The following GALNT17 variants were observed in gnomAD, a reference collection of about 807,000 sequenced individuals.
GALNT17 encodes polypeptide N-acetylgalactosaminyltransferase 17.
GALNT17 carries 29 observed loss-of-function variants against 63.7 expected under a neutral mutation model. The observed-to-expected ratio is 0.46, with a 90% CI of 0.34 to 0.62. The LOEUF (loss-of-function observed/expected upper bound fraction) is 0.62, where lower values mean the gene tolerates loss of function less well. Among genes scored for constraint, GALNT17 ranks in the 20% least tolerant of loss-of-function variants. The pLI is 0.01. For missense variants in GALNT17, 603 were observed against 799.6 expected, an observed-to-expected ratio of 0.75 and a Z score of 2.97; for synonymous variants, 305 against 318.3, an observed-to-expected ratio of 0.96 and a Z score of 0.45.
At chr7:71,396,588 T>G (rs1012559978) in intron 3 of GALNT17, among the ~76,000 whole-genome samples, 1 of 152,204 alleles carries the variant, frequency 6.6e-6, no homozygotes, top group African/African-American at 2.4e-5. Flanking sequence ...AAGATTGTTA[T>G]GTCTATTCTG....
At chr7:71,430,432 A>G (rs1157492715) in intron 5 of GALNT17, among the ~76,000 whole-genome samples, 1 of 152,164 alleles carries the variant, frequency 6.6e-6, no homozygotes, top group Non-Finnish European at 1.5e-5. Context: ...GACTTTCACC[A>G]TGAGAGGGAA....
At chr7:71,523,737 G>A (rs1320724589) in intron 5 of GALNT17, among the ~76,000 whole-genome samples, 3 of 132,706 alleles carry the variant, frequency 2.3e-5, no homozygotes, top group Admixed American at 7.9e-5. Flanking sequence ...GCAAGACCCT[G>A]TCTCAAAAAA....
At chr7:71,401,849 A>C (rs955509644) in intron 3 of GALNT17, among the ~76,000 whole-genome samples, 2 of 152,196 alleles carry the variant, frequency 1.3e-5, no homozygotes, top group Admixed American at 1.3e-4. Flanking sequence ...ACTATGTATT[A>C]CAATGTAATA....
At chr7:71,376,836 AG>A (rs1255212988) in intron 2 of GALNT17, among the ~76,000 whole-genome samples, 27 of 151,520 alleles carry the variant, frequency 1.8e-4, no homozygotes, top group South Asian at 2.1e-4. Context: ...CTGTAATCCC[AG>A]CACTTTGGGA....
intron 9 of GALNT17, among the ~76,000 whole-genome samples, chr7:71,710,088 A>C (rs1472742530): frequency 6.6e-6 from 1 of 152,180 alleles, no homozygotes; most frequent in Admixed American, 6.5e-5. Context: ...TACTTGTTCA[A>C]GGTGGCCCAG....
At chr7:71,188,577 T>C (rs1374273375) in intron 1 of GALNT17, among the ~76,000 whole-genome samples, 1 of 152,176 alleles carries the variant, frequency 6.6e-6, no homozygotes, top group East Asian at 1.9e-4. Context: ...TTGATGGGAT[T>C]GTTTGCTTTT....
At chr7:71,550,327 T>C (rs938683325) in intron 5 of GALNT17, among the ~76,000 whole-genome samples, 1 of 152,134 alleles carries the variant, frequency 6.6e-6, no homozygotes, top group African/African-American at 2.4e-5. Flanking sequence ...ATAACTAGCA[T>C]TATTACATGA....
At chr7:71,512,382 A>G (rs1788375146) in intron 5 of GALNT17, among the ~76,000 whole-genome samples, 1 of 152,074 alleles carries the variant, frequency 6.6e-6, no homozygotes, top group African/African-American at 2.4e-5. Flanking sequence ...AGTGAGAGGT[A>G]GCCCAGGGTA....
At chr7:71,651,041 C>G (rs1790746302) in intron 6 of GALNT17, among the ~76,000 whole-genome samples, 1 of 151,686 alleles carries the variant, frequency 6.6e-6, no homozygotes, top group Non-Finnish European at 1.5e-5. Flanking sequence ...CTGGGAATAC[C>G]AAGAATAATA....
chr7:71,511,107 G>A (rs576726121), intron 5 of GALNT17, among the ~76,000 whole-genome samples: 26 of 152,180 alleles, frequency 1.7e-4, no homozygotes, highest in Admixed American at 9.2e-4. Flanking sequence ...ACTTGATCCC[G>A]GGAGGTCAAG....
At chr7:71,598,861 A>G (rs528787697) in intron 6 of GALNT17, among the ~76,000 whole-genome samples, 16 of 138,680 alleles carry the variant, frequency 1.2e-4, no homozygotes, top group African/African-American at 3.5e-4. Context: ...ATGAGAAAGA[A>G]CGGGGGGGAT....
At chr7:71,303,667 C>T (rs954330573) in intron 1 of GALNT17, among the ~76,000 whole-genome samples, 3 of 152,138 alleles carry the variant, frequency 2.0e-5, no homozygotes, top group Non-Finnish European at 2.9e-5. Context: ...AAGTGATTTA[C>T]GCATTCTCTG....
intron 1 of GALNT17, among the ~76,000 whole-genome samples, chr7:71,312,599 G>A (rs748201709): frequency 3.9e-5 from 6 of 152,130 alleles, no homozygotes; most frequent in Admixed American, 6.5e-5. Context: ...CTAAGGCCAT[G>A]CTCCTGGGTT....
chr7:71,159,747 C>T (rs140624856), intron 1 of GALNT17, among the ~76,000 whole-genome samples: 5 of 149,824 alleles, frequency 3.3e-5, no homozygotes, highest in East Asian at 2.0e-4. Flanking sequence ...GACTGTCAGT[C>T]GCTGGTGTCA....
intron 1 of GALNT17, among the ~76,000 whole-genome samples, chr7:71,153,659 G>A (rs943541621): frequency 8.5e-5 from 13 of 152,178 alleles, no homozygotes; most frequent in African/African-American, 2.9e-4. Context: ...CCCTGGCACG[G>A]TAATTCCAGC....
chr7:71,270,290 A>C (rs760133427), intron 1 of GALNT17, among the ~76,000 whole-genome samples: 63 of 152,126 alleles, frequency 4.1e-4, no homozygotes, highest in Non-Finnish European at 7.9e-4. Flanking sequence ...ATTTTTTATT[A>C]TAGAATGCAG....
At chr7:71,698,984 C>A (rs572059194) in intron 9 of GALNT17, among the ~76,000 whole-genome samples, 2 of 151,338 alleles carry the variant, frequency 1.3e-5, no homozygotes, top group African/African-American at 4.8e-5. Flanking sequence ...CCAGCCTGGG[C>A]AACATGGTGA....
chr7:71,438,055 A>T (rs1030233113), intron 5 of GALNT17, among the ~76,000 whole-genome samples: 1 of 152,158 alleles, frequency 6.6e-6, no homozygotes, highest in Non-Finnish European at 1.5e-5. Flanking sequence ...ACAAATTTTG[A>T]TATTCAGTTT....
chr7:71,397,944 G>T (rs2960878), intron 3 of GALNT17, among the ~76,000 whole-genome samples: 4 of 8,452 alleles, frequency 4.7e-4, no homozygotes, highest in East Asian at 3.9e-3. Flanking sequence ...TATTGTCTTT[G>T]TTGTTGTTGT....
Sources: gnomAD v4.1 joint callset for allele counts (sites outside exome capture counted in the v4.1 genomes callset) on GRCh38, gnomAD v4.1.1 for gene constraint, MANE v1.5 for transcripts, NCBI Gene and HGNC (gene_info 2026-07-23, HGNC 2026-07-21) for gene names.